CHD7: variants seen among roughly 807,000 people sequenced by gnomAD.
CHD7 encodes ATP-dependent chromatin remodeler CHD7.
A neutral mutation model predicts 307.3 loss-of-function variants in CHD7; 24 were observed. The ratio of observed to expected loss-of-function variants is 0.08; its 90% confidence interval spans 0.06 to 0.11. The LOEUF is 0.11. CHD7 is among the 10% of genes least tolerant of loss of function. The pLI, the probability that CHD7 is intolerant of heterozygous loss-of-function variation, is 1.00. For synonymous variants in CHD7, 1,363 were observed against 1,349.9 expected (o/e 1.01, Z -0.21); for missense variants, 3,106 against 3,727.1 (o/e 0.83, Z 4.34).
At chr8:60,765,274 T>C (rs1810415346) in intron 2 of CHD7, among the ~76,000 whole-genome samples, 1 of 151,084 alleles carries the variant, frequency 6.6e-6, no homozygotes, top group African/African-American at 2.4e-5. Context: ...TATATGTGCA[T>C]ACACACACAC....
At chr8:60,816,659 G>A (rs1803761620) in intron 8 of CHD7, among the ~76,000 whole-genome samples, 158 bp downstream of exon 8, 1 of 152,192 alleles carries the variant, frequency 6.6e-6, no homozygotes. Context: ...TTTGTAAACA[G>A]GAAATTTCTC....
intron 1 of CHD7, among the ~76,000 whole-genome samples, chr8:60,707,410 T>C (rs1286474832): frequency 6.6e-6 from 1 of 152,234 alleles, no homozygotes; most frequent in African/African-American, 2.4e-5. Flanking sequence ...TTGGAGATTG[T>C]CATTTACTGT....
intron 6 of CHD7, among the ~76,000 whole-genome samples, chr8:60,803,372 C>CT (rs1191268662): frequency 6.6e-6 from 1 of 152,132 alleles, no homozygotes; most frequent in Non-Finnish European, 1.5e-5. Context: ...TAGAACATTG[C>CT]TTTTTCTTTC....
At chr8:60,792,581 GTC>G (rs1191465013) in intron 3 of CHD7, among the ~76,000 whole-genome samples, 1 of 152,210 alleles carries the variant, frequency 6.6e-6, no homozygotes, top group Non-Finnish European at 1.5e-5. Context: ...GAGAGGGACT[GTC>G]TGACTTTCAG....
chr8:60,858,830 A>C (rs1805836100), intron 34 of CHD7, among the ~76,000 whole-genome samples: 2 of 152,040 alleles, frequency 1.3e-5, no homozygotes, highest in South Asian at 4.2e-4. Flanking sequence ...GGCTGGTCTC[A>C]AACTTCTGGG....
At chr8:60,719,778 A>C (rs1423514189) in intron 1 of CHD7, among the ~76,000 whole-genome samples, 1 of 152,164 alleles carries the variant, frequency 6.6e-6, no homozygotes, top group Non-Finnish European at 1.5e-5. Context: ...CCAACTTCTC[A>C]TCCCCACAGG....
intron 1 of CHD7, among the ~76,000 whole-genome samples, chr8:60,735,357 T>C (rs553278604): frequency 1.1e-4 from 16 of 152,324 alleles, no homozygotes; most frequent in Admixed American, 2.0e-4. Context: ...TCTGTTAATA[T>C]CAGCAAAATG....
chr8:60,862,249 T>C lies in CHD7; in HGVS notation c.7884T>C (p.His2628=). ...TTCAGAAACCGAAACAGAAACGACA[T>C]AGATGTCGAAACCCTAATAAATTGG... is the stretch of plus-strand genomic sequence containing the variant. The part of the protein sequence containing the change: ...SSFQKPKQKR[H]RCRNPNKLDI... The change falls in exon 36 of 38, where the codon CAT becomes CAC. Residue 2628 remains histidine, a synonymous_variant. Transcript: ENST00000423902. 1 of 1,612,014 alleles carries C rather than the reference T, an allele frequency of 6.2e-7. No homozygotes were observed. The highest frequency in any genetic ancestry group is 1.6e-4 in the Middle Eastern group (1 of 6,062).
rs185940313 is a variant in CHD7, at chr8:60,856,146, G to A, written c.7108G>A (p.Gly2370Ser). Residue 2370 changes from glycine (G) to serine (S), a missense_variant, in exon 33 of 38, where the codon GGC (glycine) becomes AGC (serine). Gly to Ser is a moderately conservative substitution (Grantham distance 56, BLOSUM62 0). Transcript: ENST00000423902. The part of the protein sequence containing the change: ...KRSFAELSMV[G>S]QASISGSEDI... ...GAGCTTTGCTGAGCTCTCCATGGTC[G>A]GCCAAGCCAGCATTAGTGGGAGTGA... 1.5e-5 allele frequency: 24 copies of A among 1,607,486 alleles called. No homozygotes were observed. In the African/African-American group the frequency reaches 2.4e-4, roughly 16 times the overall value.
chr8:60,816,893 G>A lies in CHD7; in HGVS notation c.2613+392G>A, dbSNP rs557908265. Among the ~76,000 whole-genome samples the A allele has an allele frequency of 1.2e-4, 19 of 152,298 alleles. No individual in the cohort carries two copies. The South Asian group carries it at 1.7e-3, about 13-fold the overall frequency. On this transcript the variant is annotated intron_variant, in intron 8 of 37. Transcript: ENST00000423902. ...TGACTTCTGTTGGGGAAAGTATGTG[G>A]CAAATTTCTTTTGTTGAAGTCAATG... is the stretch of plus-strand genomic sequence containing the variant.
At chr8:60,810,832 A>G (rs1277314681) in intron 7 of CHD7, among the ~76,000 whole-genome samples, 2 of 152,138 alleles carry the variant, frequency 1.3e-5, no homozygotes, top group African/African-American at 4.8e-5. Context: ...TCCCCAGGCC[A>G]TGGATCAGTA....
At chr8:60,826,584 C>G (rs565548186) in intron 13 of CHD7, among the ~76,000 whole-genome samples, 4 of 152,290 alleles carry the variant, frequency 2.6e-5, no homozygotes, top group African/African-American at 9.6e-5. Context: ...GATGAAAATG[C>G]GCTTGATGGG....
intron 1 of CHD7, among the ~76,000 whole-genome samples, chr8:60,692,096 G>A (rs1806222549): frequency 6.6e-6 from 1 of 152,126 alleles, no homozygotes; most frequent in African/African-American, 2.4e-5. Flanking sequence ...TTGGAAATAC[G>A]AAAAATTTAG....
rs1586248250 is a variant in CHD7, at chr8:60,741,837, G to A, written c.405G>A (p.Gly135=). The change falls in exon 2 of 38, where the codon GGG becomes GGA. Residue 135 remains glycine (G), a synonymous_variant. Transcript: ENST00000423902. The stretch of plus-strand genomic sequence containing the variant: ...CTGGCATGCAGAATGAGAGGCATGG[G>A]CAATCCTTTGTGGACAGCAGCTCCA... ...VYPGMQNERH[G]QSFVDSSSMW... is the part of the protein sequence containing the mutation. The A allele has an allele frequency of 1.2e-6, 2 of 1,613,782 alleles. No homozygotes were observed. Among genetic ancestry groups the A allele is most frequent in the African/African-American group, 1.3e-5 (1 of 74,928 alleles).
intron 7 of CHD7, among the ~76,000 whole-genome samples, chr8:60,810,833 T>C (rs1010327583): frequency 5.9e-5 from 9 of 152,190 alleles, no homozygotes; most frequent in African/African-American, 2.2e-4. Flanking sequence ...CCCCAGGCCA[T>C]GGATCAGTAC....
chr8:60,862,788 A>G (rs1185192991), intron 37 of CHD7, 136 bp downstream of exon 37: 1 of 623,232 alleles, frequency 1.6e-6, no homozygotes, highest in Non-Finnish European at 2.8e-6. Flanking sequence ...CATCATTTTC[A>G]TACATCATTT....
chr8:60,724,309 T>C (rs555625220), intron 1 of CHD7, among the ~76,000 whole-genome samples: 10 of 152,314 alleles, frequency 6.6e-5, no homozygotes, highest in East Asian at 1.9e-4. Flanking sequence ...CATTTGAGTA[T>C]TGTAGATCAT....
intron 2 of CHD7, among the ~76,000 whole-genome samples, chr8:60,748,866 GA>G (rs1250568332): frequency 2.0e-5 from 3 of 150,738 alleles, no homozygotes; most frequent in African/African-American, 4.9e-5. Context: ...AACGGAAGTA[GA>G]AAAAAAATTT....
chr8:60,856,869 A>G lies in CHD7; in HGVS notation c.7589A>G (p.Lys2530Arg), dbSNP rs777303307. 3.2e-5 allele frequency: 49 copies of G among 1,554,878 alleles called. No individual in the cohort carries two copies. Among genetic ancestry groups the G allele is most frequent in the African/African-American group, 9.6e-5 (7 of 72,712 alleles). Residue 2530 changes from lysine (K) to arginine (R), a missense_variant, in exon 34 of 38, where the codon AAA (lysine) becomes AGA (arginine). Coordinates refer to ENST00000423902, the MANE Select transcript of CHD7 (RefSeq NM_017780.4). ...EGLDLLFMSH[K>R]RTSLSAEDAE... ...CTTGATCTGCTTTTCATGAGCCACA[A>G]ACGGACGTCATTGAGTGCAGTAAGT...
Sources: gnomAD v4.1 joint callset for allele counts (sites outside exome capture counted in the v4.1 genomes callset) on GRCh38, gnomAD v4.1.1 for gene constraint, MANE v1.5 for transcripts, NCBI Gene and HGNC (gene_info 2026-07-23, HGNC 2026-07-21) for gene names.